CDC42BPA: variants seen among roughly 807,000 people sequenced by gnomAD.
CDC42BPA encodes CDC42 binding protein kinase alpha.
CDC42BPA carries 80 observed loss-of-function variants against 223.5 expected under a neutral mutation model. The ratio of observed to expected loss-of-function variants is 0.36; its 90% confidence interval spans 0.30 to 0.43. The LOEUF is 0.43. CDC42BPA is among the 20% of genes least tolerant of loss of function. CDC42BPA has a pLI of 1.00. For synonymous variants in CDC42BPA, 694 were observed against 718.6 expected (o/e 0.97, Z 0.55); for missense variants, 1,743 against 2,099.9 (o/e 0.83, Z 3.32).
chr1:227,281,093 A>G (rs73098350), intron 1 of CDC42BPA, among the ~76,000 whole-genome samples: 4,575 of 152,252 alleles, frequency 0.03, 206 homozygotes, highest in African/African-American at 0.1. Flanking sequence ...TTCCACAAAC[A>G]CCATGGCCCA....
rs372769573 is a variant in CDC42BPA, at chr1:227,080,969, C to T, written c.2404G>A (p.Glu802Lys). 3 of 1,613,600 alleles carry T rather than the reference C, an allele frequency of 1.9e-6. No homozygotes were observed. Among genetic ancestry groups the T allele is most frequent in the South Asian group, 2.2e-5 (2 of 91,066 alleles). ...NLSIHNQQLEEEVKDLADKKE... is the reference protein window; with the variant it reads ...NLSIHNQQLEKEVKDLADKKE... ...TTGTCTGCTAGATCTTTAACCTCTT[C>T]TTCTAACTGCTGGTTGTGTATACTT... The change falls in exon 17 of 37, where the codon GAA becomes AAA. Residue 802 changes from glutamate (E) to lysine (K), a missense_variant. Glu to Lys is a moderately conservative substitution (Grantham distance 56). Coordinates refer to ENST00000366766, the MANE Select transcript of CDC42BPA (RefSeq NM_001394014.1).
In CDC42BPA at chr1:227,108,601, T is replaced by A. The variant is rs192158906; in HGVS notation, c.2001+3711A>T. Reference sequence around the variant, plus strand: ...GTTGTTGGGTGAAAAGTTCTATATATGGTTGTCTCTCAGTATCCATAGGGC... The same window carrying A: ...GTTGTTGGGTGAAAAGTTCTATATAAGGTTGTCTCTCAGTATCCATAGGGC... On this transcript the variant is annotated intron_variant, in intron 14 of 36. Transcript: ENST00000366766. Among the ~76,000 whole-genome samples the A allele has an allele frequency of 1.6e-4, 25 of 152,264 alleles. No homozygotes were observed. In the East Asian group the frequency reaches 4.2e-3, roughly 26 times the overall value.
rs1180326338 is a variant in CDC42BPA at position 226,994,515 on chromosome 1, CCTCA to C, written c.5134-120_5134-117del. The C allele has an allele frequency of 4.8e-6, 6 of 1,260,114 alleles. No homozygotes were observed. In the Admixed American group the frequency reaches 1.5e-4, roughly 32 times the overall value. The allele number at this position is 1,260,114 out of a possible 1,614,324, so 78.1% of individuals were successfully genotyped here. On this transcript the variant is annotated intron_variant, in intron 36 of 36. Transcript: ENST00000366766. This position sits in a 1 kb window ranked among gnomAD's most constrained non-coding sequence, Gnocchi z 4.0. ...CTGACCAAATAACCCCATGGGGCGG[CCTCA>C]CTGTCGGTATAAAGCCCCTTCTATG...
At chr1:227,269,148 A>G (rs2063661) in intron 1 of CDC42BPA, among the ~76,000 whole-genome samples, 16,875 of 152,256 alleles carry the variant, frequency 0.11, 1,191 homozygotes, top group South Asian at 0.18. Context: ...ATCAAAACAA[A>G]AACAGTATGT....
chr1:227,173,708 G>A (rs948996408), intron 5 of CDC42BPA, among the ~76,000 whole-genome samples: 2 of 151,748 alleles, frequency 1.3e-5, no homozygotes, highest in African/African-American at 4.8e-5. Flanking sequence ...CTCCACATGT[G>A]GTATTTTTTT....
chr1:227,067,752 C>A (rs1039926111), intron 21 of CDC42BPA, among the ~76,000 whole-genome samples: 3 of 152,096 alleles, frequency 2.0e-5, no homozygotes, highest in Non-Finnish European at 4.4e-5. Flanking sequence ...GTTCCTTTAG[C>A]AGAACATTAT....
intron 5 of CDC42BPA, among the ~76,000 whole-genome samples, chr1:227,187,133 T>A (rs1410066196): frequency 6.6e-6 from 1 of 152,162 alleles, no homozygotes; most frequent in African/African-American, 2.4e-5. Context: ...CAACATCATA[T>A]CTGTCTTTCA....
At chr1:227,248,213 T>C (rs901075047) in intron 2 of CDC42BPA, among the ~76,000 whole-genome samples, 2 of 152,104 alleles carry the variant, frequency 1.3e-5, no homozygotes, top group African/African-American at 4.8e-5. Context: ...GAGAAAGATA[T>C]CAATATTCAA....
At chr1:227,272,483 T>C (rs1686119891) in intron 1 of CDC42BPA, among the ~76,000 whole-genome samples, 1 of 152,188 alleles carries the variant, frequency 6.6e-6, no homozygotes. Flanking sequence ...GGGAAATATA[T>C]GTAATCTATG....
intron 5 of CDC42BPA, among the ~76,000 whole-genome samples, chr1:227,183,990 C>A (rs1668362345): frequency 6.6e-6 from 1 of 152,180 alleles, no homozygotes; most frequent in African/African-American, 2.4e-5. Context: ...CTTGCCATCT[C>A]TATCTCCTCT....
intron 35 of CDC42BPA, chr1:227,004,644 G>A: frequency 3.3e-6 from 1 of 301,476 alleles, no homozygotes. Context: ...TCTAGGGAGT[G>A]ATTTTCCTAA....
intron 14 of CDC42BPA, among the ~76,000 whole-genome samples, chr1:227,108,449 T>C (rs1686310867): frequency 6.6e-6 from 1 of 152,012 alleles, no homozygotes; most frequent in African/African-American, 2.4e-5. Context: ...CTCCATTCCA[T>C]TGTGGTTGGA....
At chr1:227,024,372 G>C (rs572295297) in intron 31 of CDC42BPA, among the ~76,000 whole-genome samples, 1 of 152,294 alleles carries the variant, frequency 6.6e-6, no homozygotes, top group South Asian at 2.1e-4. Flanking sequence ...GGGAGTATTG[G>C]TTGGTACAAT....
At chr1:227,112,643 G>GGA (rs756714139) in intron 13 of CDC42BPA, 28 bp downstream of exon 13, 4 of 1,608,660 alleles carry the variant, frequency 2.5e-6, no homozygotes, top group Non-Finnish European at 3.4e-6. Context: ...TATCCCATGG[G>GGA]CACTACAAAA....
At chr1:227,124,791 A>G (rs1689252389) in intron 11 of CDC42BPA, among the ~76,000 whole-genome samples, 1 of 152,198 alleles carries the variant, frequency 6.6e-6, no homozygotes, top group Non-Finnish European at 1.5e-5. Context: ...AGGTATGTTG[A>G]AGCTGTGACC....
intron 3 of CDC42BPA, among the ~76,000 whole-genome samples, chr1:227,201,169 C>T (rs1671690693): frequency 6.6e-6 from 1 of 151,006 alleles, no homozygotes; most frequent in African/African-American, 2.4e-5. Flanking sequence ...TTTTTTGAGA[C>T]AGGATCTCAC....
Position 227,063,337 on chromosome 1 carries a change from A to C in CDC42BPA, c.2904+6440T>G, listed in dbSNP as rs1165574141. ...TCCATGACATGCCAACAAAACTTTAAGACTGAATATGAAGGTATGCACACA... is the reference window on the plus strand; with the variant it reads ...TCCATGACATGCCAACAAAACTTTACGACTGAATATGAAGGTATGCACACA... On this transcript the variant is annotated intron_variant, in intron 21 of 36. Coordinates refer to ENST00000366766, the MANE Select transcript of CDC42BPA (RefSeq NM_001394014.1). Among the ~76,000 whole-genome samples the C allele has an allele frequency of 2.0e-5, 3 of 152,092 alleles. No homozygotes were observed. The East Asian group carries it at 5.8e-4, about 29-fold the overall frequency.
At chr1:227,148,720 T>C (rs1661131219) in intron 6 of CDC42BPA, among the ~76,000 whole-genome samples, 1 of 124,180 alleles carries the variant, frequency 8.1e-6, no homozygotes, top group African/African-American at 3.1e-5. Context: ...TAAGCCAAGA[T>C]TGCGCCACTG....
chr1:227,201,155 C>T (rs7541698), intron 3 of CDC42BPA, among the ~76,000 whole-genome samples: 103,504 of 150,736 alleles, frequency 0.69, 35,664 homozygotes, highest in South Asian at 0.73. Context: ...ATTGTTTAAC[C>T]TTTTTTTTTG....
Sources: gnomAD v4.1 joint callset for allele counts (sites outside exome capture counted in the v4.1 genomes callset) on GRCh38, gnomAD v4.1.1 for gene constraint, Gnocchi (gnomAD v3.1) non-coding constraint, MANE v1.5 for transcripts, NCBI Gene and HGNC (gene_info 2026-07-23, HGNC 2026-07-21) for gene names.